GABRB3: variants seen among roughly 807,000 people sequenced by gnomAD.
GABRB3 encodes gamma-aminobutyric acid receptor subunit beta-3.
In GABRB3, 14 loss-of-function variants were observed where a neutral mutation model predicts 52.1. The ratio of observed to expected loss-of-function variants is 0.27; its 90% CI spans 0.18 to 0.42. The LOEUF (loss-of-function observed/expected upper bound fraction) is 0.42. Among genes scored for constraint, GABRB3 ranks in the 10% least tolerant of loss-of-function variants. GABRB3 has a pLI of 1.00. For synonymous variants in GABRB3, 260 were observed against 232.3 expected (o/e 1.12, Z -1.08); for missense variants, 307 against 609.1 (o/e 0.50, Z 5.22).
At chr15:26,644,664 A>G in intron 3 of GABRB3, among the ~76,000 whole-genome samples, 1 of 152,208 alleles carries the variant, frequency 6.6e-6, no homozygotes, top group Non-Finnish European at 1.5e-5. Context: ...GTACATTGCC[A>G]TGGCAGCCCT....
At chr15:26,618,213 T>G (rs1892336040) in intron 4 of GABRB3, among the ~76,000 whole-genome samples, 1 of 152,020 alleles carries the variant, frequency 6.6e-6, no homozygotes, top group Non-Finnish European at 1.5e-5. Context: ...GCCAAGTCAA[T>G]CCTAAGCCAA....
At chr15:26,641,037 T>C (rs796831536) in intron 3 of GABRB3, among the ~76,000 whole-genome samples, 2 of 152,342 alleles carry the variant, frequency 1.3e-5, no homozygotes, top group African/African-American at 4.8e-5. Context: ...GCTGCAATCC[T>C]TTTGGCTGTC....
chr15:26,648,711 G>A (rs1369642193), intron 3 of GABRB3, among the ~76,000 whole-genome samples: 1 of 152,218 alleles, frequency 6.6e-6, no homozygotes, highest in Non-Finnish European at 1.5e-5. Context: ...GAGAAACAGT[G>A]TCTGTAAAAC....
intron 3 of GABRB3, among the ~76,000 whole-genome samples, chr15:26,679,211 GA>G (rs947567310): frequency 6.6e-6 from 1 of 152,134 alleles, no homozygotes; most frequent in Non-Finnish European, 1.5e-5. Context: ...CTTTTGGGGG[GA>G]AAGTCCCTCT....
At chr15:26,681,225 G>A (rs755000105) in intron 3 of GABRB3, among the ~76,000 whole-genome samples, 1 of 152,084 alleles carries the variant, frequency 6.6e-6, no homozygotes, top group Admixed American at 6.5e-5. Flanking sequence ...TCAGAACTTA[G>A]ACTCAAAATG....
At chr15:26,555,179 G>A (rs930712948) in intron 8 of GABRB3, among the ~76,000 whole-genome samples, 17 of 152,008 alleles carry the variant, frequency 1.1e-4, no homozygotes, top group East Asian at 3.9e-4. Context: ...GCGAGACTCC[G>A]TCATAAAAAC....
rs1178242852 is a variant in GABRB3, at chr15:26,561,133, A to G, written c.879T>C (p.Leu293=). The part of the protein sequence containing the change: ...VLTMTTINTH[L]RETLPKIPYV... ...AGGGGATTTTGGGCAAGGTCTCCCGAAGGTGGGTGTTGATGGTTGTCATTG... is the reference window on the plus strand; with the variant it reads ...AGGGGATTTTGGGCAAGGTCTCCCGGAGGTGGGTGTTGATGGTTGTCATTG... Residue 293 remains leucine, a synonymous_variant, in exon 8 of 9, where the codon CTT becomes CTC. Transcript: ENST00000311550. 6.2e-7 allele frequency: 1 copy of G among 1,614,074 alleles called. No individual in the cohort carries two copies. The highest frequency in any genetic ancestry group is 8.5e-7 in the Non-Finnish European group (1 of 1,180,038).
At position 26,576,504 on chromosome 15, in the gene GABRB3, G is replaced by A. The variant is rs576491296; in HGVS notation, c.682+3815C>T. Among the ~76,000 whole-genome samples the A allele has an allele frequency of 2.7e-3, 406 of 152,206 alleles. 1 individual carries two copies. Among genetic ancestry groups the A allele is most frequent in the Non-Finnish European group, 3.3e-3 (222 of 68,012 alleles). ...AGTGAAAAATAAAACATGGGTTTGG[G>A]TATTATAGAATCTACTGAAACCGAC... On this transcript the variant is annotated intron_variant, in intron 6 of 8. Coordinates refer to ENST00000311550, the MANE Select transcript of GABRB3 (RefSeq NM_000814.6).
chr15:26,741,447 TG>T (rs1446625867), intron 3 of GABRB3, among the ~76,000 whole-genome samples: 1 of 152,222 alleles, frequency 6.6e-6, no homozygotes, highest in East Asian at 1.9e-4. Context: ...AAGCAACCTA[TG>T]ACTTCATCTC....
chr15:26,766,719 C>T (rs1225626985), intron 3 of GABRB3, among the ~76,000 whole-genome samples: 2 of 151,580 alleles, frequency 1.3e-5, no homozygotes, highest in Non-Finnish European at 2.9e-5. Flanking sequence ...CCAACTGCAA[C>T]CTACCAGATT....
intron 8 of GABRB3, among the ~76,000 whole-genome samples, chr15:26,559,166 T>C (rs757222472): frequency 2.0e-5 from 3 of 152,214 alleles, no homozygotes; most frequent in African/African-American, 7.2e-5. Context: ...GGGACACAGA[T>C]TCCTCATGAA....
At chr15:26,606,299 T>C (rs900858796) in intron 4 of GABRB3, among the ~76,000 whole-genome samples, 6 of 152,144 alleles carry the variant, frequency 3.9e-5, no homozygotes, top group Admixed American at 2.0e-4. Context: ...AAGAGTATTA[T>C]TGGATTGTTT....
At chr15:26,649,067 C>T (rs1392590980) in intron 3 of GABRB3, among the ~76,000 whole-genome samples, 2 of 152,120 alleles carry the variant, frequency 1.3e-5, no homozygotes, top group Non-Finnish European at 2.9e-5. Context: ...CTACTTCTCT[C>T]GCGCTGTTTT....
intron 4 of GABRB3, among the ~76,000 whole-genome samples, chr15:26,605,426 G>A (rs867119696): frequency 6.6e-6 from 1 of 152,138 alleles, no homozygotes; most frequent in African/African-American, 2.4e-5. Flanking sequence ...CACCCAACAG[G>A]TGAAAAATCA....
At chr15:26,716,098 AT>A (rs1232925686) in intron 3 of GABRB3, among the ~76,000 whole-genome samples, 1 of 152,232 alleles carries the variant, frequency 6.6e-6, no homozygotes, top group African/African-American at 2.4e-5. Flanking sequence ...GCTGATCAAT[AT>A]CCTGACTCAA....
chr15:26,637,421 T>C (rs1331415648), intron 3 of GABRB3, among the ~76,000 whole-genome samples: 1 of 152,174 alleles, frequency 6.6e-6, no homozygotes, highest in Non-Finnish European at 1.5e-5. Context: ...CTTTCCTTTT[T>C]CCCCCTGCTA....
chr15:26,631,506 A>G (rs912951758), intron 3 of GABRB3, among the ~76,000 whole-genome samples: 1 of 152,232 alleles, frequency 6.6e-6, no homozygotes, highest in Non-Finnish European at 1.5e-5. Flanking sequence ...GCAGCTGTGA[A>G]AACCACAGGA....
intron 3 of GABRB3, among the ~76,000 whole-genome samples, chr15:26,674,366 A>AC (rs1887992755): frequency 7.2e-6 from 1 of 139,602 alleles, no homozygotes; most frequent in African/African-American, 2.7e-5. Context: ...ACGCCACTGC[A>AC]CTCCAGCCTG....
chr15:26,721,664 G>A (rs1889647097), intron 3 of GABRB3, among the ~76,000 whole-genome samples: 1 of 151,738 alleles, frequency 6.6e-6, no homozygotes, highest in South Asian at 2.1e-4. Flanking sequence ...GGGTAGAGGG[G>A]AAATTATTTG....
Sources: allele counts gnomAD v4.1 joint callset (sites outside exome capture counted in the v4.1 genomes callset), GRCh38; gene constraint gnomAD v4.1.1; transcripts MANE v1.5; gene names NCBI Gene and HGNC (gene_info 2026-07-23, HGNC 2026-07-21).